Variants in GPM6B observed in about 807,000 individuals in gnomAD.
GPM6B encodes the protein glycoprotein M6B, also known as neuronal membrane glycoprotein M6-b.
A neutral mutation model predicts 27.2 loss-of-function variants in GPM6B; 4 were observed. That is an observed-to-expected ratio of 0.15 (90% CI 0.07 to 0.34). GPM6B has a LOEUF of 0.34. Among genes scored for constraint, GPM6B ranks in the 10% least tolerant of loss-of-function variants. The probability of loss-of-function intolerance (pLI) is 1.00; values close to 1 mark genes in which losing one functional copy is unlikely to be tolerated. For missense variants in GPM6B, 183 were observed against 261.9 expected (o/e 0.70, Z 2.08); for synonymous variants, 124 against 103.1 (o/e 1.20, Z -1.23).
Position 13,826,378 on chromosome X carries a change from A to C in GPM6B, c.-197-40570T>G, listed in dbSNP as rs905585145. 3.6e-5 allele frequency among the ~76,000 whole-genome samples: 4 copies of C among 111,355 alleles called. No homozygotes were observed. In the Admixed American group the frequency reaches 3.8e-4, roughly 11 times the overall value. ...AGAAACAAAGCCAAAATGGGAAATG[A>C]GGACCAAATGATCGGTTTTTAAACT... On this transcript the variant is annotated intron_variant, in intron 1 of 6. Transcript: ENST00000398361.
At chrX:13,787,041 CAAAA>C (rs869123073) in intron 2 of GPM6B, among the ~76,000 whole-genome samples, 19 of 24,504 alleles carry the variant, frequency 7.8e-4, no homozygotes, top group African/African-American at 1.0e-3. Context: ...ATTAAGCCAG[CAAAA>C]AAAAAAAAAA....
intron 2 of GPM6B, among the ~76,000 whole-genome samples, chrX:13,796,071 C>A (rs1288525231): frequency 9.0e-6 from 1 of 111,673 alleles, no homozygotes; most frequent in African/African-American, 3.3e-5. Context: ...GCATTACAGG[C>A]ACGCACCACC....
At chrX:13,827,175 C>T (rs946888537) in intron 1 of GPM6B, among the ~76,000 whole-genome samples, 6 of 109,779 alleles carry the variant, frequency 5.5e-5, no homozygotes, top group Non-Finnish European at 9.5e-5. Context: ...CCCAATCGCA[C>T]TGTCTCCCCA....
At chrX:13,883,901 G>A (rs2050109034) in intron 1 of GPM6B, among the ~76,000 whole-genome samples, 1 of 111,194 alleles carries the variant, frequency 9.0e-6, no homozygotes, top group Non-Finnish European at 1.9e-5. Flanking sequence ...TTCACGGCCA[G>A]GCGTGGTAGC....
chrX:13,808,449 C>T (rs775689579), intron 1 of GPM6B, among the ~76,000 whole-genome samples: 1 of 112,039 alleles, frequency 8.9e-6, no homozygotes, highest in Non-Finnish European at 1.9e-5. Context: ...ACTCAGGTCT[C>T]TATCTGGTAA....
In GPM6B at chrX:13,778,747, T is replaced by C. The variant is rs200012255; in HGVS notation, c.697+1071A>G. Among the ~76,000 whole-genome samples, 45 of 111,980 alleles carry C rather than the reference T, an allele frequency of 4.0e-4. No individual in the cohort carries two copies. The East Asian group carries it at 7.8e-3, about 19-fold the overall frequency. ...TGGCAAAACACTTACTTTTAAGGAA[T>C]AGGAGAATGATATACATTTAGATAT... On this transcript the variant is annotated intron_variant, in intron 5 of 7. Coordinates refer to ENST00000316715, the MANE Select transcript of GPM6B (RefSeq NM_001001995.3).
chrX:13,844,248 G>C (rs1270912010), intron 1 of GPM6B, among the ~76,000 whole-genome samples: 2 of 112,177 alleles, frequency 1.8e-5, no homozygotes, highest in Admixed American at 9.4e-5. Context: ...ATATCCTATT[G>C]ATCTATATGT....
chrX:13,868,256 G>A lies in GPM6B; in HGVS notation c.-198+70071C>T, dbSNP rs930682674. Among the ~76,000 whole-genome samples, 6 of 111,253 alleles carry A rather than the reference G, an allele frequency of 5.4e-5. No homozygotes were observed. In the South Asian group the frequency reaches 2.3e-3, roughly 42 times the overall value. The stretch of plus-strand genomic sequence containing the variant: ...AAAAGAGTTATGTAAATGACGGGAG[G>A]AAATGCTTTGTATTAATAACTTTTA... On this transcript the variant is annotated intron_variant, in intron 1 of 6. Coordinates refer to the GPM6B transcript ENST00000398361.
chrX:13,815,172 G>A (rs942248236), intron 1 of GPM6B, among the ~76,000 whole-genome samples: 1 of 111,786 alleles, frequency 8.9e-6, no homozygotes, highest in Non-Finnish European at 1.9e-5. Context: ...CTTCCTTTCA[G>A]AGAGAAATTT....
chrX:13,932,042 C>A (rs998312748), intron 1 of GPM6B, among the ~76,000 whole-genome samples: 1 of 112,119 alleles, frequency 8.9e-6, no homozygotes, highest in Non-Finnish European at 1.9e-5. Flanking sequence ...TTCTTTTATC[C>A]CCTTGGGGAG....
chrX:13,862,367 T>A (rs2049862702), intron 1 of GPM6B, among the ~76,000 whole-genome samples: 1 of 111,730 alleles, frequency 9.0e-6, no homozygotes, highest in South Asian at 3.8e-4. Context: ...CCTGAGTTTG[T>A]GAGAGTTAAC....
chrX:13,915,760 C>T (rs2050422533), intron 1 of GPM6B, among the ~76,000 whole-genome samples: 1 of 112,544 alleles, frequency 8.9e-6, no homozygotes, highest in South Asian at 3.7e-4. Context: ...ACACCACATA[C>T]TTGTATATGC....
intron 2 of GPM6B, among the ~76,000 whole-genome samples, chrX:13,786,162 C>T (rs1737059122): frequency 8.9e-6 from 1 of 112,505 alleles, no homozygotes; most frequent in Non-Finnish European, 1.9e-5. Context: ...CAACAAGAAG[C>T]ACTCATTCCA....
chrX:13,884,424 G>C (rs1392980357), intron 1 of GPM6B, among the ~76,000 whole-genome samples: 1 of 111,832 alleles, frequency 8.9e-6, no homozygotes, highest in Non-Finnish European at 1.9e-5. Flanking sequence ...TCTAGACTCT[G>C]AATGACAAAT....
At chrX:13,801,832 T>A (rs2048926092) in intron 2 of GPM6B, among the ~76,000 whole-genome samples, 1 of 111,791 alleles carries the variant, frequency 8.9e-6, no homozygotes, top group South Asian at 3.8e-4. Context: ...GCATTGTTCA[T>A]GGAAGTCTCC....
At chrX:13,871,115 A>AAAACAAAACAAAACAAAACAAAACAAAAC (rs150568277) in intron 1 of GPM6B, among the ~76,000 whole-genome samples, 4 of 87,704 alleles carry the variant, frequency 4.6e-5, no homozygotes, top group Non-Finnish European at 9.0e-5. Context: ...AAAACAAAAC[A>AAAACAAAACAAAACAAAACAAAACAAAAC]AAAAAAAAAG....
At chrX:13,859,885 T>G (rs919067567) in intron 1 of GPM6B, among the ~76,000 whole-genome samples, 2 of 112,011 alleles carry the variant, frequency 1.8e-5, no homozygotes, top group Non-Finnish European at 3.8e-5. Flanking sequence ...TGCTGGAAAG[T>G]AAGGATGTAC....
chrX:13,823,081 T>C (rs968865601), intron 1 of GPM6B, among the ~76,000 whole-genome samples: 9 of 112,733 alleles, frequency 8.0e-5, no homozygotes, highest in African/African-American at 2.9e-4. Flanking sequence ...TTTGATCCCT[T>C]ACTCTTTTTA....
intron 1 of GPM6B, among the ~76,000 whole-genome samples, chrX:13,929,934 T>C (rs1014903294): frequency 1.8e-5 from 2 of 111,941 alleles, no homozygotes; most frequent in Admixed American, 9.5e-5. Flanking sequence ...TTAACAGTCC[T>C]ACAAAAACTA....
Sources: gnomAD v4.1 joint callset for allele counts (sites outside exome capture counted in the v4.1 genomes callset) on GRCh38, gnomAD v4.1.1 for gene constraint, MANE v1.5 for transcripts, NCBI Gene and HGNC (gene_info 2026-07-23, HGNC 2026-07-21) for gene names.